TOX2: variants seen among roughly 807,000 people sequenced by gnomAD.
The protein encoded by TOX2 is TOX high mobility group box family member 2, also known as granulosa cell HMG box 1.
Under a neutral mutation model 47.4 loss-of-function variants are expected in TOX2, and 15 were observed. The ratio of observed to expected loss-of-function variants is 0.32; its 90% CI spans 0.21 to 0.49. The LOEUF is 0.49. Ranked by LOEUF, TOX2 falls within the 20% of genes least tolerant of loss-of-function variation. The pLI, the probability that TOX2 is intolerant of heterozygous loss-of-function variation, is 0.99. For missense variants in TOX2, 622 were observed against 673.1 expected, an observed-to-expected ratio of 0.92 and a Z score of 0.84; for synonymous variants, 290 against 296.6, an observed-to-expected ratio of 0.98 and a Z score of 0.23.
intron 3 of TOX2, among the ~76,000 whole-genome samples, chr20:44,026,252 C>T (rs5012953): frequency 0.64 from 49,686 of 77,078 alleles, 17,643 homozygotes; most frequent in Middle Eastern, 0.75. Context: ...TATATATAGA[C>T]ACACACACAC....
At chr20:44,004,955 T>C (rs1024107613) in intron 2 of TOX2, among the ~76,000 whole-genome samples, 1 of 152,212 alleles carries the variant, frequency 6.6e-6, no homozygotes. Flanking sequence ...AGAAGGAAGA[T>C]ATTGAATGTT....
chr20:44,017,935 G>A (rs951697649), intron 3 of TOX2, among the ~76,000 whole-genome samples: 5 of 152,348 alleles, frequency 3.3e-5, no homozygotes, highest in African/African-American at 9.6e-5. Flanking sequence ...CAGTGAGCGG[G>A]ACAAGATGGA....
Position 44,053,624 on chromosome 20 carries a change from A to AT in TOX2, c.652-675_652-674insT, listed in dbSNP as rs2071566972. On this transcript the variant is annotated intron_variant, in intron 4 of 8. Coordinates refer to ENST00000341197, the MANE Select transcript of TOX2 (RefSeq NM_001098797.2). ...CATATATATACATATACACACACAC[A>AT]CACACGTATATACACATATACACAC... is the stretch of plus-strand genomic sequence containing the variant. Among the ~76,000 whole-genome samples, 9 of 149,018 alleles carry AT rather than the reference A, an allele frequency of 6.0e-5. No individual in the cohort carries two copies. The South Asian group carries it at 1.9e-3, about 31-fold the overall frequency.
intron 1 of TOX2, among the ~76,000 whole-genome samples, chr20:43,924,280 G>A (rs928178283): frequency 6.6e-6 from 1 of 152,224 alleles, no homozygotes; most frequent in Non-Finnish European, 1.5e-5. Flanking sequence ...TGAGAGAGAT[G>A]TGTCATCTGC....
chr20:43,934,154 A>AGAGG (rs1174661526), intron 1 of TOX2, among the ~76,000 whole-genome samples: 5 of 150,540 alleles, frequency 3.3e-5, no homozygotes, highest in Admixed American at 3.3e-4. Flanking sequence ...AGAGAGAGAG[A>AGAGG]GAGAGAGAGA....
chr20:44,029,812 C>T (rs1176283374), intron 3 of TOX2, among the ~76,000 whole-genome samples: 1 of 152,126 alleles, frequency 6.6e-6, no homozygotes, highest in East Asian at 1.9e-4. Context: ...GTCTATATTT[C>T]CTCCCCTCCC....
intron 1 of TOX2, among the ~76,000 whole-genome samples, chr20:43,944,952 C>T (rs6130486): frequency 0.063 from 9,540 of 152,198 alleles, 593 homozygotes; most frequent in African/African-American, 0.16. Context: ...AGTTTAACTG[C>T]ATTTGTGCGA....
intron 1 of TOX2, among the ~76,000 whole-genome samples, chr20:43,948,370 G>A (rs2069505367): frequency 6.6e-6 from 1 of 152,226 alleles, no homozygotes; most frequent in African/African-American, 2.4e-5. Context: ...CCAGGCTGAT[G>A]GCTTCAACCC....
intron 3 of TOX2, chr20:44,039,335 GAGAT>G (rs1432960975): frequency 7.8e-7 from 1 of 1,282,044 alleles, no homozygotes; most frequent in Admixed American, 2.3e-5. Flanking sequence ...CAGGAGGAGA[GAGAT>G]TGTACAGATC....
chr20:43,933,009 G>A (rs1246684925), intron 1 of TOX2, among the ~76,000 whole-genome samples: 3 of 152,158 alleles, frequency 2.0e-5, no homozygotes, highest in Admixed American at 6.5e-5. Flanking sequence ...ATTGACTAAC[G>A]CAGACCCTGG....
chr20:44,013,543 C>T (rs1006847624), intron 3 of TOX2, among the ~76,000 whole-genome samples: 1 of 152,358 alleles, frequency 6.6e-6, no homozygotes, highest in Non-Finnish European at 1.5e-5. Context: ...TAATGCATAA[C>T]ATTTTTGGTT....
At chr20:43,955,373 T>C in intron 1 of TOX2, 1 of 924,022 alleles carries the variant, frequency 1.1e-6, no homozygotes, top group South Asian at 5.0e-5. Context: ...CTTGGCTGGC[T>C]TCTGGTTTCT....
At chr20:43,948,546 G>T (rs992360097) in intron 1 of TOX2, among the ~76,000 whole-genome samples, 1 of 152,224 alleles carries the variant, frequency 6.6e-6, no homozygotes, top group Non-Finnish European at 1.5e-5. Context: ...GGGAGCAGGG[G>T]CAGGGAGGTG....
At chr20:43,938,882 AG>A (rs2069364469) in intron 1 of TOX2, among the ~76,000 whole-genome samples, 1 of 152,174 alleles carries the variant, frequency 6.6e-6, no homozygotes, top group Non-Finnish European at 1.5e-5. Flanking sequence ...GCAGCTTTGA[AG>A]GCCAGGGGGT....
chr20:44,059,316 A>G (rs1157404543), intron 5 of TOX2, among the ~76,000 whole-genome samples: 1 of 152,228 alleles, frequency 6.6e-6, no homozygotes, highest in African/African-American at 2.4e-5. Context: ...CCAATTCAAC[A>G]GAGACAAAAA....
intron 2 of TOX2, among the ~76,000 whole-genome samples, chr20:43,991,026 G>A (rs540281939): frequency 6.6e-6 from 1 of 152,278 alleles, no homozygotes; most frequent in African/African-American, 2.4e-5. Context: ...GTGTGTGCCT[G>A]GGTACCTGCA....
chr20:43,964,908 T>A (rs2069824197), intron 1 of TOX2, among the ~76,000 whole-genome samples: 1 of 152,152 alleles, frequency 6.6e-6, no homozygotes, highest in South Asian at 2.1e-4. Context: ...GCTTCCTACA[T>A]CATGGAGCCT....
intron 1 of TOX2, among the ~76,000 whole-genome samples, chr20:43,920,539 A>C (rs1214360432): frequency 6.6e-6 from 1 of 152,036 alleles, no homozygotes; most frequent in Non-Finnish European, 1.5e-5. Context: ...CTCTGCTAGG[A>C]AGCTCTCATT....
Position 43,915,738 on chromosome 20 carries a change from G to C in TOX2, c.99+748G>C, listed in dbSNP as rs555370562. ...GGCCGTCACTGCCTGGCGGGGCCTC[G>C]GATTCCGAGTAGGCTGCGGCCAATC... is the stretch of plus-strand genomic sequence containing the variant. On this transcript the variant is annotated intron_variant, in intron 1 of 8. Transcript: ENST00000341197. This position sits in a 1 kb window ranked among gnomAD's most constrained non-coding sequence, Gnocchi z 7.1. Among the ~76,000 whole-genome samples the C allele has an allele frequency of 2.7e-3, 406 of 152,390 alleles. 2 individuals are homozygous for C. The highest frequency in any genetic ancestry group is 9.4e-3 in the African/African-American group (389 of 41,596).
Sources: allele counts gnomAD v4.1 joint callset (sites outside exome capture counted in the v4.1 genomes callset), GRCh38; gene constraint gnomAD v4.1.1; non-coding constraint Gnocchi (gnomAD v3.1); transcripts MANE v1.5; gene names NCBI Gene and HGNC (gene_info 2026-07-23, HGNC 2026-07-21).